The following ENOX2 variants were observed in gnomAD, a reference collection of about 807,000 sequenced individuals.
The protein encoded by ENOX2 is ecto-NOX disulfide-thiol exchanger 2.
Under a neutral mutation model 45.0 loss-of-function variants are expected in ENOX2, and 36 were observed. That is an observed-to-expected ratio of 0.80 (90% CI 0.61 to 1.06). The LOEUF is 1.06. Among genes scored for constraint, ENOX2 ranks in the 50% least tolerant of loss-of-function variants. The pLI is 0.00. For synonymous variants in ENOX2, 174 were observed against 152.3 expected (o/e 1.14, Z -1.05); for missense variants, 423 against 462.5 (o/e 0.91, Z 0.78).
intron 4 of ENOX2, among the ~76,000 whole-genome samples, chrX:130,698,541 T>C (rs1023093516): frequency 8.9e-6 from 1 of 111,880 alleles, no homozygotes; most frequent in African/African-American, 3.2e-5. Flanking sequence ...GTTTACGTAT[T>C]ATTGGCTCTT....
chrX:130,815,097 AG>A (rs2077458607), intron 2 of ENOX2, among the ~76,000 whole-genome samples: 1 of 111,997 alleles, frequency 8.9e-6, no homozygotes, highest in South Asian at 3.8e-4. Flanking sequence ...AACTTCGTGA[AG>A]CATACACAAG....
At chrX:130,789,026 G>A (rs752835378) in intron 2 of ENOX2, among the ~76,000 whole-genome samples, 1 of 103,227 alleles carries the variant, frequency 9.7e-6, no homozygotes. Flanking sequence ...TCCATAACAC[G>A]TATGAGGCTG....
chrX:130,882,537 A>G (rs958154999), intron 2 of ENOX2, among the ~76,000 whole-genome samples: 1 of 111,232 alleles, frequency 9.0e-6, no homozygotes, highest in Non-Finnish European at 1.9e-5. Flanking sequence ...TTCTTGTTGC[A>G]AAAAGCTGAG....
chrX:130,858,121 T>TA (rs1452939548), intron 2 of ENOX2, among the ~76,000 whole-genome samples: 1 of 106,868 alleles, frequency 9.4e-6, no homozygotes, highest in African/African-American at 3.4e-5. Context: ...TTCCTTTTTT[T>TA]TTTTTTTTTT....
chrX:130,641,344 A>C (rs1474848909), intron 10 of ENOX2, among the ~76,000 whole-genome samples: 2 of 112,129 alleles, frequency 1.8e-5, no homozygotes, highest in East Asian at 5.5e-4. Flanking sequence ...AAAAATCAAC[A>C]ACCTAGAATT....
At chrX:130,651,477 C>T (rs763888057) in intron 10 of ENOX2, among the ~76,000 whole-genome samples, 93 of 112,172 alleles carry the variant, frequency 8.3e-4, no homozygotes, top group Non-Finnish European at 1.5e-3. Flanking sequence ...TCCTCAGTGC[C>T]TTGTATTGCT....
At chrX:130,761,390 T>C (rs778806772) in intron 3 of ENOX2, among the ~76,000 whole-genome samples, 9 of 111,859 alleles carry the variant, frequency 8.0e-5, no homozygotes, top group African/African-American at 9.7e-5. Context: ...CTTGGATGAA[T>C]TGTGGTAGTT....
At chrX:130,676,276 A>G (rs2037148024) in intron 6 of ENOX2, among the ~76,000 whole-genome samples, 1 of 111,718 alleles carries the variant, frequency 9.0e-6, no homozygotes, top group African/African-American at 3.3e-5. Context: ...ATCAGAAAAA[A>G]AATGAAGATC....
intron 2 of ENOX2, among the ~76,000 whole-genome samples, chrX:130,872,241 G>A (rs935131454): frequency 8.9e-6 from 1 of 112,410 alleles, no homozygotes; most frequent in Non-Finnish European, 1.9e-5. Context: ...TAAGGCAAAA[G>A]CACGTATTAA....
intron 2 of ENOX2, among the ~76,000 whole-genome samples, chrX:130,796,462 T>C (rs1428140421): frequency 8.9e-6 from 1 of 112,139 alleles, no homozygotes; most frequent in Non-Finnish European, 1.9e-5. Flanking sequence ...AGTAAATGGC[T>C]TACACTTGAC....
chrX:130,752,467 T>G (rs1397062702), intron 3 of ENOX2, among the ~76,000 whole-genome samples: 3 of 110,343 alleles, frequency 2.7e-5, no homozygotes, highest in African/African-American at 9.9e-5. Context: ...GTATTGCCTT[T>G]TCTCCTATGC....
At chrX:130,706,584 G>A (rs746073343) in intron 3 of ENOX2, among the ~76,000 whole-genome samples, 2 of 111,813 alleles carry the variant, frequency 1.8e-5, no homozygotes, top group Admixed American at 9.5e-5. Context: ...TTTTAGGTCA[G>A]GTACTGGGTT....
At chrX:130,874,819 G>A (rs1330161023) in intron 2 of ENOX2, among the ~76,000 whole-genome samples, 5 of 110,471 alleles carry the variant, frequency 4.5e-5, no homozygotes, top group African/African-American at 1.3e-4. Flanking sequence ...GCCACTCCCC[G>A]CCCACACAGA....
intron 2 of ENOX2, among the ~76,000 whole-genome samples, chrX:130,841,471 T>C (rs1329621647): frequency 1.8e-5 from 2 of 111,778 alleles, no homozygotes; most frequent in Non-Finnish European, 3.8e-5. Context: ...ATTGCTTCCA[T>C]GATGACATGA....
chrX:130,692,729 C>T (rs1401592278), intron 4 of ENOX2, among the ~76,000 whole-genome samples: 1 of 109,059 alleles, frequency 9.2e-6, no homozygotes, highest in African/African-American at 3.4e-5. Flanking sequence ...TACAGGCATG[C>T]GCTACCATAC....
chrX:130,751,538 C>T, intron 3 of ENOX2, among the ~76,000 whole-genome samples: 1 of 111,799 alleles, frequency 8.9e-6, no homozygotes, highest in East Asian at 2.8e-4. Context: ...TGCATACATG[C>T]TTGTCTGAGT....
At chrX:130,772,595 A>G (rs769751248) in intron 3 of ENOX2, among the ~76,000 whole-genome samples, 1 of 112,001 alleles carries the variant, frequency 8.9e-6, no homozygotes, top group South Asian at 3.7e-4. Flanking sequence ...TTTGTCACAC[A>G]AGCCTCTTGC....
intron 3 of ENOX2, among the ~76,000 whole-genome samples, chrX:130,769,001 A>C (rs2039678821): frequency 9.0e-6 from 1 of 111,535 alleles, no homozygotes; most frequent in Non-Finnish European, 1.9e-5. Flanking sequence ...AAAGTTTTAA[A>C]TTGCACACAA....
chrX:130,630,229 C>G (rs2035658520), intron 13 of ENOX2, among the ~76,000 whole-genome samples: 1 of 111,072 alleles, frequency 9.0e-6, no homozygotes, highest in Non-Finnish European at 1.9e-5. Flanking sequence ...CCTGAGTCAT[C>G]TGTCACTGTG....
Sources: allele counts gnomAD v4.1 joint callset (sites outside exome capture counted in the v4.1 genomes callset), GRCh38; gene constraint gnomAD v4.1.1; transcripts MANE v1.5; gene names NCBI Gene and HGNC (gene_info 2026-07-23, HGNC 2026-07-21).